The following PTCD2 variants were observed in gnomAD, a reference collection of about 807,000 sequenced individuals.
PTCD2 encodes pentatricopeptide repeat-containing protein 2, mitochondrial.
In PTCD2, 31 loss-of-function variants were observed where a neutral mutation model predicts 42.6. The observed-to-expected ratio is 0.73, with a 90% CI of 0.55 to 0.98. The LOEUF (loss-of-function observed/expected upper bound fraction) is 0.98. PTCD2 is among the 50% of genes least tolerant of loss of function. The pLI, the probability that PTCD2 is intolerant of heterozygous loss-of-function variation, is 0.00. For synonymous variants in PTCD2, 183 were observed against 170.9 expected, an observed-to-expected ratio of 1.07 and a Z score of -0.55; for missense variants, 476 against 454.8, an observed-to-expected ratio of 1.05 and a Z score of -0.42.
At chr5:72,346,215 C>G (rs1240732999) in intron 8 of PTCD2, among the ~76,000 whole-genome samples, 1 of 152,052 alleles carries the variant, frequency 6.6e-6, no homozygotes, top group East Asian at 1.9e-4. Context: ...ATGGAAGAAA[C>G]AAAATACTAG....
rs1023641686 is a variant in PTCD2, at chr5:72,366,492, C to G, written c.*8065C>G. 2.0e-5 allele frequency: 3 copies of G among 152,188 alleles called. No individual in the cohort carries two copies. Among genetic ancestry groups the G allele is most frequent in the Non-Finnish European group, 2.9e-5 (2 of 68,048 alleles). The allele number at this position is 152,188 out of a possible 1,614,324, so 9.4% of individuals were successfully genotyped here. ...AGTGCTGGCTGTGTGCATGTATTCT[C>G]AATAATCCCTGGCCAACTTCCTGCT... On this transcript the variant is annotated 3_prime_UTR_variant, in exon 10 of 10. Transcript: ENST00000380639.
At position 72,331,355 on chromosome 5, in the gene PTCD2, G is replaced by A. The variant is rs767617854; in HGVS notation, c.448G>A (p.Val150Met). The change falls in exon 4 of 10, where the codon GTG becomes ATG. Residue 150 changes from valine (V) to methionine (M), a missense_variant. By Grantham distance (21) the Val-to-Met change is conservative. Transcript: ENST00000380639. ...CGAGTTGGATCTCGAGGAATCTGCA[G>A]TGGAGCTCATGAAAGACCAGGTTAT... is the stretch of plus-strand genomic sequence containing the variant. ...CYELDLEESA[V>M]ELMKDQHLRG... The A allele has an allele frequency of 1.9e-6, 3 of 1,612,394 alleles. No individual in the cohort carries two copies. Among genetic ancestry groups the A allele is most frequent in the East Asian group, 2.2e-5 (1 of 44,880 alleles).
At chr5:72,327,535 G>A (rs1410182792) in intron 3 of PTCD2, among the ~76,000 whole-genome samples, 3 of 146,838 alleles carry the variant, frequency 2.0e-5, no homozygotes, top group African/African-American at 7.7e-5. Context: ...ACAGTGGCAC[G>A]ATCTTTCAGC....
chr5:72,349,175 A>G (rs1328481961), intron 8 of PTCD2, among the ~76,000 whole-genome samples: 3 of 152,190 alleles, frequency 2.0e-5, no homozygotes, highest in African/African-American at 7.2e-5. Context: ...TTTCTACTCT[A>G]CCATCTTTAA....
At position 72,364,189 on chromosome 5, in the gene PTCD2, A is replaced by G. The variant is rs1753151599; in HGVS notation, c.*5762A>G. 6.6e-6 allele frequency: 1 copy of G among 152,264 alleles called. No individual in the cohort carries two copies. Among genetic ancestry groups the G allele is most frequent in the Non-Finnish European group, 1.5e-5 (1 of 68,044 alleles). The allele number at this position is 152,264 out of a possible 1,614,324, so 9.4% of individuals were successfully genotyped here. On this transcript the variant is annotated 3_prime_UTR_variant, in exon 10 of 10. Coordinates refer to ENST00000380639, the MANE Select transcript of PTCD2 (RefSeq NM_024754.5). The stretch of plus-strand genomic sequence containing the variant: ...CTCAAAAATTAATGGAAATTGGTGT[A>G]TTCTGATTGAGATATGTTTTATTCA...
At chr5:72,322,479 G>A (rs1183607125) in intron 2 of PTCD2, among the ~76,000 whole-genome samples, 1 of 152,066 alleles carries the variant, frequency 6.6e-6, no homozygotes, top group East Asian at 1.9e-4. Flanking sequence ...CTTCTCTTAC[G>A]ATCCCAGAGA....
intron 2 of PTCD2, among the ~76,000 whole-genome samples, chr5:72,323,325 T>G (rs1377364299): frequency 6.6e-6 from 1 of 152,202 alleles, no homozygotes; most frequent in African/African-American, 2.4e-5. Context: ...TGAAAATTTT[T>G]GTTATAAAAA....
chr5:72,334,487 G>A (rs561340756), intron 4 of PTCD2, among the ~76,000 whole-genome samples: 1 of 152,076 alleles, frequency 6.6e-6, no homozygotes, highest in Admixed American at 6.5e-5. Flanking sequence ...ATGAAACCCA[G>A]AGATCTCTTG....
chr5:72,329,389 C>T (rs954763548), intron 3 of PTCD2, among the ~76,000 whole-genome samples: 2 of 152,190 alleles, frequency 1.3e-5, no homozygotes, highest in African/African-American at 2.4e-5. Flanking sequence ...CATCTTAATA[C>T]CCTCGTTATG....
At chr5:72,340,943 C>T (rs1035260657) in intron 7 of PTCD2, among the ~76,000 whole-genome samples, 1 of 146,956 alleles carries the variant, frequency 6.8e-6, no homozygotes, top group East Asian at 2.0e-4. Flanking sequence ...GTTTCTTCAT[C>T]GGCCAGTTAT....
intron 3 of PTCD2, among the ~76,000 whole-genome samples, chr5:72,327,471 T>TG (rs1231586396): frequency 5.7e-5 from 7 of 122,974 alleles, no homozygotes; most frequent in African/African-American, 3.0e-4. Flanking sequence ...CTTTTTAAAC[T>TG]ATTTTTTTTT....
chr5:72,330,951 G>T (rs1024834636), intron 3 of PTCD2, among the ~76,000 whole-genome samples: 1 of 152,138 alleles, frequency 6.6e-6, no homozygotes, highest in African/African-American at 2.4e-5. Context: ...TGTTTCTTAA[G>T]GTGTGCTCAC....
rs767621041 is a variant in PTCD2 at position 72,359,375 on chromosome 5, C to A, written c.*948C>A. ...TTTACCGTGTCTGGTCACCAGTGAG[C>A]AGAAGATACACAGTGACCCCACCTC... On this transcript the variant is annotated 3_prime_UTR_variant, in exon 10 of 10. Coordinates refer to ENST00000380639, the MANE Select transcript of PTCD2 (RefSeq NM_024754.5). 1.3e-5 allele frequency: 2 copies of A among 152,158 alleles called. No homozygotes were observed. The highest frequency in any genetic ancestry group is 2.9e-5 in the Non-Finnish European group (2 of 68,038). The allele number at this position is 152,158 out of a possible 1,614,324, so 9.4% of individuals were successfully genotyped here. A position where few individuals can be genotyped will look rare whatever the true frequency, so the allele number is the denominator to read the frequency against.
At chr5:72,341,804 AG>A (rs1752077589) in intron 7 of PTCD2, among the ~76,000 whole-genome samples, 1 of 151,968 alleles carries the variant, frequency 6.6e-6, no homozygotes, top group Admixed American at 6.6e-5. Context: ...GCACTTTGGG[AG>A]GCTGAGGCGG....
At chr5:72,357,960 C>T (rs1252934659) in intron 9 of PTCD2, among the ~76,000 whole-genome samples, 1 of 151,976 alleles carries the variant, frequency 6.6e-6, no homozygotes, top group African/African-American at 2.4e-5. Context: ...ACTACACCAA[C>T]TAATTTTTAA....
At chr5:72,325,306 T>G (rs1213090656) in intron 2 of PTCD2, among the ~76,000 whole-genome samples, 2 of 152,240 alleles carry the variant, frequency 1.3e-5, no homozygotes, top group East Asian at 3.8e-4. Context: ...GACTGGAAGT[T>G]GCTTAGAAAT....
chr5:72,368,260 T>A lies in PTCD2; in HGVS notation c.*9833T>A, dbSNP rs536125571. 2 of 152,260 alleles carry A rather than the reference T, an allele frequency of 1.3e-5. No homozygotes were observed. The highest frequency in any genetic ancestry group is 3.9e-4 in the East Asian group (2 of 5,178). 9.4% of individuals were successfully genotyped at this position (152,260 alleles called of 1,614,324 possible). On this transcript the variant is annotated 3_prime_UTR_variant, in exon 10 of 10. Coordinates refer to ENST00000380639, the MANE Select transcript of PTCD2 (RefSeq NM_024754.5). Reference sequence around the variant, plus strand: ...CAAGTAGCAAATTTCCTGACCCCATTTTAAAGGTTCTGAGACAGATAGGCG... The same window carrying A: ...CAAGTAGCAAATTTCCTGACCCCATATTAAAGGTTCTGAGACAGATAGGCG...
At chr5:72,327,597 C>T (rs888435701) in intron 3 of PTCD2, among the ~76,000 whole-genome samples, 1 of 151,924 alleles carries the variant, frequency 6.6e-6, no homozygotes, top group African/African-American at 2.4e-5. Flanking sequence ...CTCAGTCTCC[C>T]AAGTAGCTGG....
chr5:72,344,204 A>C (rs1313467594), intron 8 of PTCD2, among the ~76,000 whole-genome samples: 1 of 152,120 alleles, frequency 6.6e-6, no homozygotes, highest in Non-Finnish European at 1.5e-5. Context: ...GTTTTGGTGG[A>C]GCATCTATTT....
Sources: allele counts gnomAD v4.1 joint callset (sites outside exome capture counted in the v4.1 genomes callset), GRCh38; gene constraint gnomAD v4.1.1; transcripts MANE v1.5; gene names NCBI Gene and HGNC (gene_info 2026-07-23, HGNC 2026-07-21).